EIF4E3: variants seen among roughly 807,000 people sequenced by gnomAD.
The protein encoded by EIF4E3 is eukaryotic translation initiation factor 4E family member 3.
EIF4E3 carries 26 observed loss-of-function variants against 31.7 expected under a neutral mutation model. The ratio of observed to expected loss-of-function variants is 0.82; its 90% CI spans 0.60 to 1.14. The LOEUF is 1.14. Ranked by LOEUF, EIF4E3 falls within the 50% of genes most tolerant of loss-of-function variation. The pLI, the probability that EIF4E3 is intolerant of heterozygous loss-of-function variation, is 0.00. For synonymous variants in EIF4E3, 128 were observed against 107.7 expected (o/e 1.19, Z -1.17); for missense variants, 304 against 270.9 (o/e 1.12, Z -0.86).
chr3:71,694,046 A>G, intron 4 of EIF4E3, 105 bp from the exon 5 acceptor site: 1 of 1,136,358 alleles, frequency 8.8e-7, no homozygotes, highest in East Asian at 2.7e-5. Flanking sequence ...CTTCACATGC[A>G]CTTTCTGTGC....
intron 4 of EIF4E3, among the ~76,000 whole-genome samples, chr3:71,695,648 T>C (rs1197402126): frequency 2.6e-5 from 4 of 152,178 alleles, no homozygotes; most frequent in Non-Finnish European, 5.9e-5. Flanking sequence ...ATAAATCTGG[T>C]CGTGTCTTTA....
intron 1 of EIF4E3, among the ~76,000 whole-genome samples, chr3:71,747,407 T>C (rs561468854): frequency 5.3e-4 from 81 of 152,382 alleles, no homozygotes; most frequent in African/African-American, 1.8e-3. Flanking sequence ...CATGTGCTTA[T>C]TGGCCATTTA....
chr3:71,680,165 C>T lies in EIF4E3; in HGVS notation c.*4517G>A, dbSNP rs1314281944. 1 of 152,142 alleles carries T rather than the reference C, an allele frequency of 6.6e-6. No individual in the cohort carries two copies. The highest frequency in any genetic ancestry group is 1.9e-4 in the East Asian group (1 of 5,198). The allele number at this position is 152,142 out of a possible 1,614,324, so 9.4% of individuals were successfully genotyped here. On this transcript the variant is annotated 3_prime_UTR_variant, in exon 7 of 7. Coordinates refer to ENST00000425534, the MANE Select transcript of EIF4E3 (RefSeq NM_001134651.2). ...CCTTCATAAGATTGTTGGTATCATA[C>T]ATTGGAATCAGGTCACCTGACAGAG...
At chr3:71,747,541 A>G (rs79157883) in intron 1 of EIF4E3, among the ~76,000 whole-genome samples, 2,406 of 152,292 alleles carry the variant, frequency 0.016, 33 homozygotes, top group South Asian at 0.053. Flanking sequence ...ACATTATCTG[A>G]AGACATTTTC....
intron 5 of EIF4E3, among the ~76,000 whole-genome samples, chr3:71,693,653 T>C (rs2049093628): frequency 6.6e-6 from 1 of 152,168 alleles, no homozygotes; most frequent in Non-Finnish European, 1.5e-5. Flanking sequence ...TACATACATA[T>C]ATAAATATGC....
the EIF4E3 span, among the ~76,000 whole-genome samples, chr3:71,668,629 C>T: frequency 1.3e-5 from 2 of 151,760 alleles, no homozygotes; most frequent in South Asian, 2.1e-4. Context: ...ATGCGGCCAA[C>T]AAACATATGA....
At chr3:71,730,814 C>T (rs1354704632) in intron 1 of EIF4E3, among the ~76,000 whole-genome samples, 1 of 152,054 alleles carries the variant, frequency 6.6e-6, no homozygotes, top group Admixed American at 6.5e-5. Flanking sequence ...CATGCAGCCT[C>T]GGCCTCCCAG....
rs1044743571 is a variant in EIF4E3, at chr3:71,683,876, C to T, written c.*806G>A. 1 of 152,104 alleles carries T rather than the reference C, an allele frequency of 6.6e-6. No individual in the cohort carries two copies. The highest frequency in any genetic ancestry group is 2.4e-5 in the African/African-American group (1 of 41,420). The allele number at this position is 152,104 out of a possible 1,614,324, so 9.4% of individuals were successfully genotyped here. ...CTTTAAATCAGAAACATCAGGTTTCCTATTGGAAGAAATCCCTTGCTACCA... is the reference window on the plus strand; with the variant it reads ...CTTTAAATCAGAAACATCAGGTTTCTTATTGGAAGAAATCCCTTGCTACCA... On this transcript the variant is annotated 3_prime_UTR_variant, in exon 7 of 7. Transcript: ENST00000425534.
Position 71,696,538 on chromosome 3 carries a change from G to A in EIF4E3, c.345-18C>T, listed in dbSNP as rs750787005. The A allele has an allele frequency of 6.8e-6, 11 of 1,614,000 alleles. No individual in the cohort carries two copies. The highest frequency in any genetic ancestry group is 1.6e-4 in the Middle Eastern group (1 of 6,062). On this transcript the variant is annotated intron_variant, in intron 3 of 6. Transcript: ENST00000425534. ...CCTCTTCCCTGGGCCAAAGACCAAC[G>A]TTTAAAGTTACACTCAGGACTAAGT... is the stretch of plus-strand genomic sequence containing the variant.
intron 4 of EIF4E3, among the ~76,000 whole-genome samples, chr3:71,694,586 A>C (rs1309462067): frequency 6.6e-6 from 1 of 152,186 alleles, no homozygotes; most frequent in Non-Finnish European, 1.5e-5. Context: ...TCATGATCTA[A>C]TAGTGGCATC....
At chr3:71,672,957 C>A (rs1472985770), downstream of EIF4E3, among the ~76,000 whole-genome samples, 1 of 152,186 alleles carries the variant, frequency 6.6e-6, no homozygotes, top group Non-Finnish European at 1.5e-5. Context: ...AGGATTTGAC[C>A]TCTCTACAAT....
At chr3:71,696,619 T>C (rs2108039087) in intron 3 of EIF4E3, 99 bp from the exon 4 acceptor site, 2 of 1,408,476 alleles carry the variant, frequency 1.4e-6, no homozygotes, top group Non-Finnish European at 2.0e-6. Flanking sequence ...TAACAACAGA[T>C]GACCTTAAAA....
At chr3:71,664,794 G>A in the EIF4E3 span, among the ~76,000 whole-genome samples, 11 of 152,154 alleles carry the variant, frequency 7.2e-5, no homozygotes, top group African/African-American at 2.7e-4. Context: ...AGAACTGCTT[G>A]AGCCTGGGAG....
rs1029426989 is a variant in EIF4E3, at chr3:71,678,072, G to T, written c.*6610C>A. The T allele has an allele frequency of 3.9e-5, 6 of 152,140 alleles. No individual in the cohort carries two copies. Among genetic ancestry groups the T allele is most frequent in the Non-Finnish European group, 5.9e-5 (4 of 68,012 alleles). The allele number at this position is 152,140 out of a possible 1,614,324, so 9.4% of individuals were successfully genotyped here. ...TAACCTACTAAGCGTCAGACTCCAT[G>T]CTAGCAGCGTCACACATATTAGAGG... On this transcript the variant is annotated 3_prime_UTR_variant, in exon 7 of 7. Transcript: ENST00000425534.
chr3:71,679,528 A>G lies in EIF4E3; in HGVS notation c.*5154T>C, dbSNP rs189762842. 7.9e-5 allele frequency: 12 copies of G among 152,320 alleles called. No homozygotes were observed. The highest frequency in any genetic ancestry group is 7.2e-4 in the Admixed American group (11 of 15,294). 9.4% of individuals were successfully genotyped at this position (152,320 alleles called of 1,614,324 possible). ...TTTCTGAAGGACACAAAAGCATAGA[A>G]TATCCAAAAGCTATTGTATTGGATA... is the stretch of plus-strand genomic sequence containing the variant. On this transcript the variant is annotated 3_prime_UTR_variant, in exon 7 of 7. Transcript: ENST00000425534.
In EIF4E3 at chr3:71,677,106, T is replaced by C. The variant is rs1039641136; in HGVS notation, c.*7576A>G. The C allele has an allele frequency of 6.6e-6, 1 of 152,246 alleles. No individual in the cohort carries two copies. The highest frequency in any genetic ancestry group is 1.5e-5 in the Non-Finnish European group (1 of 68,040). 9.4% of individuals were successfully genotyped at this position (152,246 alleles called of 1,614,324 possible). On this transcript the variant is annotated 3_prime_UTR_variant, in exon 7 of 7. Transcript: ENST00000425534. ...TACCAGAGTTCAACATGCTTACGAT[T>C]ATAAAGAATTTATGATTTATGCTTG...
chr3:71,689,844 T>C (rs1409845125), intron 6 of EIF4E3, among the ~76,000 whole-genome samples, 166 bp downstream of exon 6: 1 of 148,432 alleles, frequency 6.7e-6, no homozygotes, highest in Non-Finnish European at 1.5e-5. Context: ...GAGACTAAGC[T>C]TGTTTTTTTT....
chr3:71,678,525 T>A lies in EIF4E3; in HGVS notation c.*6157A>T, dbSNP rs1439247221. On this transcript the variant is annotated 3_prime_UTR_variant, in exon 7 of 7. Coordinates refer to ENST00000425534, the MANE Select transcript of EIF4E3 (RefSeq NM_001134651.2). ...GGCTGGAATAAAAAATACTGACTTA[T>A]AGAAGCAACTTTCACATGTATCTGA... The A allele has an allele frequency of 6.6e-6, 1 of 152,196 alleles. No homozygotes were observed. Among genetic ancestry groups the A allele is most frequent in the African/African-American group, 2.4e-5 (1 of 41,452 alleles). 9.4% of individuals were successfully genotyped at this position (152,196 alleles called of 1,614,324 possible). A position where few individuals can be genotyped will look rare whatever the true frequency, so the allele number is the denominator to read the frequency against.
At chr3:71,754,576 G>C, upstream of EIF4E3, 1 of 1,401,122 alleles carries the variant, frequency 7.1e-7, no homozygotes, top group Non-Finnish European at 9.3e-7. The surrounding 1 kb of genome is among the most constrained non-coding windows in gnomAD (Gnocchi z 5.8). Context: ...CTGGAGCAGC[G>C]GCCCGACGGC....
Sources: allele counts gnomAD v4.1 joint callset (sites outside exome capture counted in the v4.1 genomes callset), GRCh38; gene constraint gnomAD v4.1.1; non-coding constraint Gnocchi (gnomAD v3.1); transcripts MANE v1.5; gene names NCBI Gene and HGNC (gene_info 2026-07-23, HGNC 2026-07-21).